TAFA5: variants seen among roughly 807,000 people sequenced by gnomAD.
TAFA5 encodes TAFA chemokine like family member 5, also known as chemokine-like protein TAFA-5.
In TAFA5, 6 loss-of-function variants were observed where a neutral mutation model predicts 15.3. The observed-to-expected ratio is 0.39, with a 90% CI of 0.21 to 0.77. TAFA5 has a LOEUF of 0.77. TAFA5 is among the 30% of genes least tolerant of loss of function. The pLI is 0.41. For synonymous variants in TAFA5, 103 were observed against 80.7 expected (o/e 1.28, Z -1.48); for missense variants, 161 against 193.1 (o/e 0.83, Z 0.98).
At chr22:48,505,580 C>T (rs1211802075) in intron 1 of TAFA5, among the ~76,000 whole-genome samples, 1 of 152,250 alleles carries the variant, frequency 6.6e-6, no homozygotes, top group East Asian at 1.9e-4. Flanking sequence ...GCCAGCGGGG[C>T]ACTGCCATCA....
intron 3 of TAFA5, among the ~76,000 whole-genome samples, chr22:48,744,156 G>A (rs2147276058): frequency 6.6e-6 from 1 of 152,316 alleles, no homozygotes; most frequent in South Asian, 2.1e-4. Flanking sequence ...CGGCCGTGAG[G>A]AAGGGGCTGG....
intron 1 of TAFA5, among the ~76,000 whole-genome samples, chr22:48,525,032 TC>T (rs1287414106): frequency 6.6e-6 from 1 of 152,116 alleles, no homozygotes; most frequent in Non-Finnish European, 1.5e-5. Context: ...CAGCTTTTGT[TC>T]TCACATCTTC....
rs531645626 is a variant in TAFA5 at position 48,670,214 on chromosome 22, G to C, written c.262+23468G>C. ...TAATCGGCTGCTAATGGCCCTGTGC[G>C]CCTTGGGAGTCAGCCCTCCTTAATG... On this transcript the variant is annotated intron_variant, in intron 2 of 3. Coordinates refer to ENST00000402357, the MANE Select transcript of TAFA5 (RefSeq NM_001082967.3). Among the ~76,000 whole-genome samples the C allele has an allele frequency of 1.3e-4, 20 of 152,356 alleles. 1 individual carries two copies. In the East Asian group the frequency reaches 3.9e-3, roughly 29 times the overall value.
Position 48,675,534 on chromosome 22 carries a change from T to C in TAFA5, c.262+28788T>C, listed in dbSNP as rs553097044. 8.5e-4 allele frequency among the ~76,000 whole-genome samples: 130 copies of C among 152,360 alleles called. 2 individuals are homozygous for C. Among genetic ancestry groups the C allele is most frequent in the Admixed American group, 7.4e-3 (113 of 15,306 alleles). ...AAGGGGAAATAGGCTGGAGAAGCTT[T>C]GCCCAGACAAGTGGACCCCCCACCA... is the stretch of plus-strand genomic sequence containing the variant. On this transcript the variant is annotated intron_variant, in intron 2 of 3. Coordinates refer to ENST00000402357, the MANE Select transcript of TAFA5 (RefSeq NM_001082967.3).
At chr22:48,695,724 G>A (rs1569083094) in intron 2 of TAFA5, among the ~76,000 whole-genome samples, 1 of 152,178 alleles carries the variant, frequency 6.6e-6, no homozygotes, top group Non-Finnish European at 1.5e-5. Context: ...CCTGGCCAGG[G>A]TGTGGGCAGC....
chr22:48,636,481 A>G (rs1207472627), intron 1 of TAFA5, among the ~76,000 whole-genome samples: 2 of 152,242 alleles, frequency 1.3e-5, no homozygotes, highest in African/African-American at 2.4e-5. Flanking sequence ...AAGTGTCTGT[A>G]CAATCAGCGA....
rs1203368935 is a variant in TAFA5 at position 48,750,289 on chromosome 22, C to T, written c.*442C>T. On this transcript the variant is annotated 3_prime_UTR_variant, in exon 4 of 4. Transcript: ENST00000402357. ...CCCGTGCCCCAGACTGTCCGAATTGCTTTTATTTTCTTATACTTTCAGTAT... is the reference window on the plus strand; with the variant it reads ...CCCGTGCCCCAGACTGTCCGAATTGTTTTTATTTTCTTATACTTTCAGTAT... 1 of 195,044 alleles carries T rather than the reference C, an allele frequency of 5.1e-6. No individual in the cohort carries two copies. Among genetic ancestry groups the T allele is most frequent in the Admixed American group, 5.6e-5 (1 of 17,720 alleles). The allele number at this position is 195,044 out of a possible 1,614,324, so 12.1% of individuals were successfully genotyped here.
At chr22:48,690,846 T>A (rs1354053044) in intron 2 of TAFA5, among the ~76,000 whole-genome samples, 1 of 151,470 alleles carries the variant, frequency 6.6e-6, no homozygotes, top group Non-Finnish European at 1.5e-5. Flanking sequence ...GGGGCCGTGC[T>A]GCCCCCGCCC....
At chr22:48,669,572 T>G (rs996342355) in intron 2 of TAFA5, among the ~76,000 whole-genome samples, 1 of 152,226 alleles carries the variant, frequency 6.6e-6, no homozygotes, top group Admixed American at 6.5e-5. Flanking sequence ...GTTTCCAAAA[T>G]TGGATGCAGC....
chr22:48,587,559 C>G (rs538645042), intron 1 of TAFA5, among the ~76,000 whole-genome samples: 8 of 152,170 alleles, frequency 5.3e-5, no homozygotes, highest in Non-Finnish European at 1.2e-4. Flanking sequence ...CTGTGGACTC[C>G]TAGCCCAGGG....
rs1930219247 is a variant in TAFA5 at position 48,742,787 on chromosome 22, G to C, written c.391-7052G>C. Reference sequence around the variant, plus strand: ...GGCAGCATGGTGTATTAGAAGAGGAGAGATGGCCTGGGGTGCTCAGCGGGG... The same window carrying C: ...GGCAGCATGGTGTATTAGAAGAGGACAGATGGCCTGGGGTGCTCAGCGGGG... On this transcript the variant is annotated intron_variant, in intron 3 of 3. Transcript: ENST00000402357. This position sits in a 1 kb window ranked among gnomAD's most constrained non-coding sequence, Gnocchi z 6.2. 6.6e-6 allele frequency among the ~76,000 whole-genome samples: 1 copy of C among 152,212 alleles called. No homozygotes were observed. The highest frequency in any genetic ancestry group is 2.1e-4 in the South Asian group (1 of 4,834).
intron 1 of TAFA5, among the ~76,000 whole-genome samples, chr22:48,603,984 G>A (rs1027054326): frequency 2.0e-5 from 3 of 152,174 alleles, no homozygotes; most frequent in Admixed American, 6.5e-5. Flanking sequence ...GGGACCTTGT[G>A]GGCCCCGATG....
intron 2 of TAFA5, among the ~76,000 whole-genome samples, chr22:48,703,086 T>C (rs549141045): frequency 3.1e-4 from 47 of 150,304 alleles, no homozygotes; most frequent in Middle Eastern, 3.4e-3. Context: ...TGAACGTGTG[T>C]GCATGTGTGC....
At chr22:48,516,830 A>G (rs1921424797) in intron 1 of TAFA5, among the ~76,000 whole-genome samples, 1 of 152,202 alleles carries the variant, frequency 6.6e-6, no homozygotes, top group African/African-American at 2.4e-5. Context: ...TGGCCCTCAC[A>G]GTTGTGCCAG....
intron 2 of TAFA5, among the ~76,000 whole-genome samples, chr22:48,670,814 C>T (rs6010578): frequency 0.02 from 3,005 of 152,264 alleles, 96 homozygotes; most frequent in African/African-American, 0.07. Context: ...CCATCAGGAG[C>T]CGTGGCTTAC....
At chr22:48,642,804 T>A (rs1474699742) in intron 1 of TAFA5, among the ~76,000 whole-genome samples, 2 of 152,174 alleles carry the variant, frequency 1.3e-5, no homozygotes, top group Admixed American at 1.3e-4. Context: ...GTGTTTGGTC[T>A]GTGTGTGCAC....
intron 1 of TAFA5, among the ~76,000 whole-genome samples, chr22:48,638,094 C>CG (rs1569058756): frequency 6.6e-6 from 1 of 152,078 alleles, no homozygotes; most frequent in Admixed American, 6.5e-5. Flanking sequence ...CTGCGGGTAT[C>CG]GGGGGCTCAG....
chr22:48,705,629 G>A (rs987387391), intron 2 of TAFA5, among the ~76,000 whole-genome samples: 2 of 152,228 alleles, frequency 1.3e-5, no homozygotes, highest in African/African-American at 4.8e-5. Context: ...GAAATGCAAG[G>A]CCCTTGTTAA....
intron 2 of TAFA5, among the ~76,000 whole-genome samples, chr22:48,681,611 A>AC (rs1928189548): frequency 6.7e-6 from 1 of 149,554 alleles, no homozygotes; most frequent in African/African-American, 2.5e-5. Flanking sequence ...AGATTGTGCC[A>AC]CTGCACTCCA....
Sources: allele counts gnomAD v4.1 joint callset (sites outside exome capture counted in the v4.1 genomes callset), GRCh38; gene constraint gnomAD v4.1.1; non-coding constraint Gnocchi (gnomAD v3.1); transcripts MANE v1.5; gene names NCBI Gene and HGNC (gene_info 2026-07-23, HGNC 2026-07-21).